The following GOLGA5 variants were observed in gnomAD, a reference collection of about 807,000 sequenced individuals.
GOLGA5 encodes the protein golgin A5, also known as golgin subfamily A member 5.
GOLGA5 carries 50 observed loss-of-function variants against 93.5 expected under a neutral mutation model. That is an observed-to-expected ratio of 0.53 (90% CI 0.43 to 0.68). The LOEUF is 0.68. Ranked by LOEUF, GOLGA5 falls within the 30% of genes least tolerant of loss-of-function variation. The pLI is 0.00. For missense variants in GOLGA5, 760 were observed against 856.4 expected (o/e 0.89, Z 1.40); for synonymous variants, 312 against 304.5 (o/e 1.02, Z -0.26).
chr14:92,801,596 A>G (rs777487111), intron 2 of GOLGA5, among the ~76,000 whole-genome samples: 12 of 152,186 alleles, frequency 7.9e-5, no homozygotes, highest in Admixed American at 3.3e-4. Flanking sequence ...TGGCATCTCA[A>G]TGAATAGAAG....
rs1273928358 is a variant in GOLGA5 at position 92,806,846 on chromosome 14, G to A, written c.655G>A (p.Gly219Ser). 2.5e-6 allele frequency: 4 copies of A among 1,613,478 alleles called. No individual in the cohort carries two copies. The South Asian group carries it at 4.4e-5, about 18-fold the overall frequency. Reference protein sequence around the residue: ...PDHTPTPNDDGKSHELSNLRL... With the variant: ...PDHTPTPNDDSKSHELSNLRL... ...CCACACCCCAACACCTAATGATGAT[G>A]GCAAATCACATGAACTGTCTAACCT... is the stretch of plus-strand genomic sequence containing the variant. The change falls in exon 3 of 13, where the codon GGC becomes AGC. Residue 219 changes from glycine (G) to serine (S), a missense_variant. By Grantham distance (56) the Gly-to-Ser change is moderately conservative. Transcript: ENST00000163416.
chr14:92,819,997 C>T (rs35459649), intron 8 of GOLGA5, among the ~76,000 whole-genome samples, 161 bp downstream of exon 8: 2,050 of 152,256 alleles, frequency 0.013, 26 homozygotes, highest in Non-Finnish European at 0.02. Context: ...GTGGCCTGCC[C>T]CTCCACACCT....
intron 9 of GOLGA5, 104 bp downstream of exon 9, chr14:92,824,748 T>C: frequency 1.6e-6 from 1 of 631,148 alleles, no homozygotes; most frequent in Non-Finnish European, 2.8e-6. Flanking sequence ...ACCTGAGTTC[T>C]TTTGTAACAG....
At chr14:92,811,276 C>T (rs1164146435) in intron 5 of GOLGA5, among the ~76,000 whole-genome samples, 2 of 152,134 alleles carry the variant, frequency 1.3e-5, no homozygotes, top group African/African-American at 2.4e-5. Flanking sequence ...TTCCCAGACC[C>T]ATCTTGAAAA....
chr14:92,814,941 T>C (rs1334074678), intron 6 of GOLGA5, among the ~76,000 whole-genome samples: 2 of 152,168 alleles, frequency 1.3e-5, no homozygotes, highest in African/African-American at 4.8e-5. Flanking sequence ...ATGATCCTTT[T>C]AAAATGTAAA....
intron 8 of GOLGA5, among the ~76,000 whole-genome samples, chr14:92,824,197 G>A (rs1211201251): frequency 2.0e-5 from 3 of 150,792 alleles, no homozygotes; most frequent in African/African-American, 7.4e-5. Context: ...ATTTTTTCCA[G>A]TTGTCATATT....
chr14:92,815,999 C>G (rs1885196594), intron 6 of GOLGA5, among the ~76,000 whole-genome samples: 1 of 152,002 alleles, frequency 6.6e-6, no homozygotes, highest in Non-Finnish European at 1.5e-5. Flanking sequence ...GCCACCGCAC[C>G]CAGCTGGAAA....
chr14:92,794,884 A>G (rs1458933967), intron 1 of GOLGA5, among the ~76,000 whole-genome samples: 1 of 72,982 alleles, frequency 1.4e-5, no homozygotes, highest in South Asian at 6.3e-4. Flanking sequence ...ACCCATCCCC[A>G]TCCCACGCAC....
chr14:92,836,852 G>A (rs1190046130), intron 11 of GOLGA5, among the ~76,000 whole-genome samples: 3 of 152,052 alleles, frequency 2.0e-5, no homozygotes, highest in African/African-American at 7.2e-5. Context: ...ATCACCTGAG[G>A]TCAGGAGTTT....
At chr14:92,819,932 A>G (rs886175200) in intron 8 of GOLGA5, 96 bp downstream of exon 8, 1 of 1,225,170 alleles carries the variant, frequency 8.2e-7, no homozygotes, top group South Asian at 1.4e-5. Context: ...TTTTTAGAGT[A>G]TGGGCTTAGG....
In GOLGA5 at chr14:92,806,444, C is replaced by G. The variant is rs962305605; in HGVS notation, c.545-292C>G. Among the ~76,000 whole-genome samples, 6 of 152,320 alleles carry G rather than the reference C, an allele frequency of 3.9e-5. No homozygotes were observed. In the East Asian group the frequency reaches 7.7e-4, roughly 20 times the overall value. Reference sequence around the variant, plus strand: ...TCTCCTGCCTCAGCCTCCTGAGTAGCTGGCACTACAGGTGTGTGCCACCAC... The same window carrying G: ...TCTCCTGCCTCAGCCTCCTGAGTAGGTGGCACTACAGGTGTGTGCCACCAC... On this transcript the variant is annotated intron_variant, in intron 2 of 12. Coordinates refer to ENST00000163416, the MANE Select transcript of GOLGA5 (RefSeq NM_005113.4).
At position 92,797,750 on chromosome 14, in the gene GOLGA5, A is replaced by T. The variant is rs1354177746; in HGVS notation, c.313A>T (p.Arg105Trp). Residue 105 changes from arginine to tryptophan, a missense_variant, in exon 2 of 13, where the codon AGG becomes TGG. By Grantham distance (101) the Arg-to-Trp change is moderately radical. Coordinates refer to ENST00000163416, the MANE Select transcript of GOLGA5 (RefSeq NM_005113.4). Reference protein sequence around the residue: ...SHPVENASVPRPSSHFVRRKK... With the variant: ...SHPVENASVPWPSSHFVRRKK... ...TCCTGTTGAAAATGCATCTGTTCCT[A>T]GGCCTTCATCCCATTTTGTGCGAAG... is the stretch of plus-strand genomic sequence containing the variant. 6.2e-7 allele frequency: 1 copy of T among 1,613,418 alleles called. No individual in the cohort carries two copies. The highest frequency in any genetic ancestry group is 1.1e-5 in the South Asian group (1 of 91,038).
intron 12 of GOLGA5, among the ~76,000 whole-genome samples, chr14:92,838,524 C>T (rs1885693746): frequency 6.6e-6 from 1 of 152,128 alleles, no homozygotes; most frequent in African/African-American, 2.4e-5. Context: ...CACGCCACTG[C>T]ACCTAGCGAA....
chr14:92,818,333 AC>A (rs1408563658), intron 7 of GOLGA5, among the ~76,000 whole-genome samples: 2 of 152,222 alleles, frequency 1.3e-5, no homozygotes, highest in African/African-American at 4.8e-5. Flanking sequence ...TTTATTCCTT[AC>A]CATAACTCTG....
chr14:92,799,990 G>A (rs1884833742), intron 2 of GOLGA5, among the ~76,000 whole-genome samples: 1 of 152,178 alleles, frequency 6.6e-6, no homozygotes, highest in African/African-American at 2.4e-5. Context: ...TTGGCTGTTA[G>A]TGAATAAAAT....
intron 2 of GOLGA5, among the ~76,000 whole-genome samples, chr14:92,806,187 A>C (rs556603778): frequency 2.6e-5 from 4 of 152,106 alleles, no homozygotes; most frequent in Non-Finnish European, 5.9e-5. Flanking sequence ...TTCTCCCCAG[A>C]ATGGTGTTGT....
Position 92,823,833 on chromosome 14 carries a change from G to A in GOLGA5, c.1621-713G>A, listed in dbSNP as rs918330887. Among the ~76,000 whole-genome samples the A allele has an allele frequency of 1.2e-4, 17 of 146,844 alleles. No individual in the cohort carries two copies. The South Asian group carries it at 3.7e-3, about 32-fold the overall frequency. ...TGTCAGACTTATGAATTAATTAGAG[G>A]AGAACTGACATCTTTATGATGTTGT... On this transcript the variant is annotated intron_variant, in intron 8 of 12. Coordinates refer to ENST00000163416, the MANE Select transcript of GOLGA5 (RefSeq NM_005113.4).
chr14:92,795,197 C>A (rs1884698289), intron 1 of GOLGA5, among the ~76,000 whole-genome samples: 1 of 152,186 alleles, frequency 6.6e-6, no homozygotes, highest in African/African-American at 2.4e-5. Context: ...GCTCGGCCTC[C>A]CAGTGTGTTG....
At chr14:92,802,859 G>C (rs2402194) in intron 2 of GOLGA5, among the ~76,000 whole-genome samples, 111,317 of 151,064 alleles carry the variant, frequency 0.74, 41,430 homozygotes, top group East Asian at 0.85. Flanking sequence ...CCAAACTCCT[G>C]GCTCAAGTAA....
Sources: allele counts gnomAD v4.1 joint callset (sites outside exome capture counted in the v4.1 genomes callset), GRCh38; gene constraint gnomAD v4.1.1; transcripts MANE v1.5; gene names NCBI Gene and HGNC (gene_info 2026-07-23, HGNC 2026-07-21).